Variants in CORIN observed in about 807,000 individuals in gnomAD.
CORIN encodes corin, serine peptidase, also known as atrial natriuretic peptide-converting enzyme.
In CORIN, 117 loss-of-function variants were observed where a neutral mutation model predicts 125.3. The observed-to-expected ratio is 0.93, with a 90% CI of 0.80 to 1.09. The LOEUF (loss-of-function observed/expected upper bound fraction) is 1.09. CORIN is among the 50% of genes least tolerant of loss of function. The pLI is 0.00. For missense variants in CORIN, 1,253 were observed against 1,306.7 expected (o/e 0.96, Z 0.63); for synonymous variants, 450 against 466.4 (o/e 0.96, Z 0.45).
intron 19 of CORIN, among the ~76,000 whole-genome samples, chr4:47,620,440 C>A (rs3936628): frequency 0.97 from 147,632 of 152,378 alleles, 71,542 homozygotes; most frequent in East Asian, 1. Flanking sequence ...ATATATTGCT[C>A]CATGAGAAAA....
chr4:47,791,313 A>G (rs932838941), intron 2 of CORIN, among the ~76,000 whole-genome samples: 1 of 152,200 alleles, frequency 6.6e-6, no homozygotes, highest in African/African-American at 2.4e-5. Context: ...AGGAAGCCCT[A>G]GAAGCTAGAA....
rs529742786 is a variant in CORIN at position 47,607,808 on chromosome 4, G to A, written c.2541-4140C>T. Among the ~76,000 whole-genome samples, 38 of 152,196 alleles carry A rather than the reference G, an allele frequency of 2.5e-4. No individual in the cohort carries two copies. The South Asian group carries it at 7.3e-3, about 29-fold the overall frequency. On this transcript the variant is annotated intron_variant, in intron 19 of 21. Transcript: ENST00000273857. ...GTTCTAAAGTACGAATTAACCGGAT[G>A]TGGTGGCGTGCACCTATAGTCCCAG...
chr4:47,640,097 A>G (rs986860661), intron 16 of CORIN, among the ~76,000 whole-genome samples: 10 of 152,304 alleles, frequency 6.6e-5, no homozygotes, highest in Admixed American at 5.9e-4. Flanking sequence ...ATCTAAAATA[A>G]AAAGTATCTG....
chr4:47,781,342 C>T (rs1730536389), intron 3 of CORIN, among the ~76,000 whole-genome samples: 1 of 152,192 alleles, frequency 6.6e-6, no homozygotes, highest in Non-Finnish European at 1.5e-5. Flanking sequence ...AAAAGTGACA[C>T]ACATTTAATA....
At chr4:47,698,168 A>C (rs932619358) in intron 5 of CORIN, among the ~76,000 whole-genome samples, 2 of 151,988 alleles carry the variant, frequency 1.3e-5, no homozygotes, top group Middle Eastern at 3.2e-3. Context: ...GCATAATTTT[A>C]AAATTCTTAT....
In CORIN at chr4:47,744,682, T is replaced by C. The variant is rs535162579; in HGVS notation, c.618-99A>G. On this transcript the variant is annotated intron_variant, in intron 4 of 21. Coordinates refer to ENST00000273857, the MANE Select transcript of CORIN (RefSeq NM_006587.4). ...AGTTAGCCCCTGTGTTGTGATATTA[T>C]CTTAATTTATACTTACTATAGTCAG... The C allele has an allele frequency of 1.4e-3, 1,561 of 1,135,276 alleles. 28 individuals are homozygous for C. The South Asian group carries it at 0.019, about 14-fold the overall frequency. The allele number at this position is 1,135,276 out of a possible 1,614,324, so 70.3% of individuals were successfully genotyped here. A position where few individuals can be genotyped will look rare whatever the true frequency, so the allele number is the denominator to read the frequency against.
intron 6 of CORIN, among the ~76,000 whole-genome samples, chr4:47,689,934 C>T (rs1725694471): frequency 6.6e-6 from 1 of 152,106 alleles, no homozygotes. Flanking sequence ...AAGTGGCCTG[C>T]CTAAAGCCAC....
At chr4:47,727,196 G>A (rs1727629113) in intron 5 of CORIN, among the ~76,000 whole-genome samples, 1 of 151,896 alleles carries the variant, frequency 6.6e-6, no homozygotes. Context: ...TTTGCTTTTT[G>A]ACAGTACAGT....
intron 1 of CORIN, among the ~76,000 whole-genome samples, chr4:47,825,230 G>A (rs376131227): frequency 1.3e-5 from 2 of 152,158 alleles, no homozygotes; most frequent in East Asian, 1.9e-4. Context: ...GTAAGTGTCC[G>A]GATCAGCGAT....
At chr4:47,813,958 T>A (rs1449700408) in intron 1 of CORIN, among the ~76,000 whole-genome samples, 1 of 152,226 alleles carries the variant, frequency 6.6e-6, no homozygotes, top group Admixed American at 6.5e-5. Flanking sequence ...TAGATGGGAT[T>A]GTATGCAAAA....
At chr4:47,692,918 G>T (rs1725832019) in intron 6 of CORIN, 52 bp downstream of exon 6, 1 of 1,338,956 alleles carries the variant, frequency 7.5e-7, no homozygotes, top group Admixed American at 1.7e-5. Flanking sequence ...TGATTGTCAG[G>T]ATTTGAGAAT....
intron 19 of CORIN, among the ~76,000 whole-genome samples, chr4:47,617,684 G>A (rs1722119409): frequency 6.6e-6 from 1 of 152,192 alleles, no homozygotes; most frequent in African/African-American, 2.4e-5. Flanking sequence ...ATGGGAATGG[G>A]CCAAATCCTT....
At position 47,603,512 on chromosome 4, in the gene CORIN, A is replaced by G. The variant is rs201053833; in HGVS notation, c.2697T>C (p.Ser899=). The change falls in exon 20 of 22, where the codon AGT becomes AGC. Residue 899 remains serine, a synonymous_variant. Coordinates refer to ENST00000273857, the MANE Select transcript of CORIN (RefSeq NM_006587.4). The part of the protein sequence containing the change: ...VDYDISIVEL[S]EDISETGYVR... ...CGTAGCCAGTCTCACTGATGTCTTC[A>G]CTCAGCTCAACGATGCTGATGTCAT... 1.9e-6 allele frequency: 3 copies of G among 1,614,154 alleles called. No homozygotes were observed. The African/African-American group carries it at 4.0e-5, about 22-fold the overall frequency.
At chr4:47,672,210 T>A (rs1724793783) in intron 10 of CORIN, among the ~76,000 whole-genome samples, 1 of 152,226 alleles carries the variant, frequency 6.6e-6, no homozygotes, top group African/African-American at 2.4e-5. Flanking sequence ...CCCATCCCGA[T>A]GCTTGGAACA....
chr4:47,790,857 A>G (rs1233447777), intron 2 of CORIN, among the ~76,000 whole-genome samples: 1 of 152,174 alleles, frequency 6.6e-6, no homozygotes, highest in Non-Finnish European at 1.5e-5. Context: ...TTATTAATAG[A>G]AAGTCACATT....
chr4:47,827,993 C>T (rs934762572), intron 1 of CORIN, among the ~76,000 whole-genome samples: 38 of 152,232 alleles, frequency 2.5e-4, no homozygotes, highest in African/African-American at 8.4e-4. Context: ...TGCCTCCCAG[C>T]TTTCCTCTGA....
At chr4:47,607,105 T>C (rs1364042966) in intron 19 of CORIN, among the ~76,000 whole-genome samples, 1 of 152,228 alleles carries the variant, frequency 6.6e-6, no homozygotes, top group African/African-American at 2.4e-5. Context: ...AAAATTAGTG[T>C]CAATAAAACT....
intron 16 of CORIN, among the ~76,000 whole-genome samples, chr4:47,637,751 G>T (rs1010856821): frequency 1.3e-5 from 2 of 152,214 alleles, no homozygotes; most frequent in Admixed American, 6.5e-5. Context: ...CAGGGGTGGG[G>T]CCCTCATGGA....
chr4:47,719,007 C>T (rs952512487), intron 5 of CORIN, among the ~76,000 whole-genome samples: 1 of 152,076 alleles, frequency 6.6e-6, no homozygotes. Flanking sequence ...AGCTCATTCA[C>T]TCCTTTGATT....
Sources: allele counts gnomAD v4.1 joint callset (sites outside exome capture counted in the v4.1 genomes callset), GRCh38; gene constraint gnomAD v4.1.1; transcripts MANE v1.5; gene names NCBI Gene and HGNC (gene_info 2026-07-23, HGNC 2026-07-21).